Variants in SAMD3 observed in about 807,000 individuals in gnomAD.
The protein encoded by SAMD3 is sterile alpha motif domain containing 3.
SAMD3 carries 63 observed loss-of-function variants against 58.5 expected under a neutral mutation model. The ratio of observed to expected loss-of-function variants is 1.08; its 90% CI spans 0.88 to 1.33. SAMD3 has a LOEUF of 1.33. SAMD3 is among the 40% of genes most tolerant of loss of function. The pLI is 0.00. For missense variants in SAMD3, 604 were observed against 608.4 expected, an observed-to-expected ratio of 0.99 and a Z score of 0.08; for synonymous variants, 220 against 210.3, an observed-to-expected ratio of 1.05 and a Z score of -0.40.
chr6:130,219,442 A>G (rs1041013379), intron 1 of SAMD3, among the ~76,000 whole-genome samples: 2 of 152,156 alleles, frequency 1.3e-5, no homozygotes, highest in Admixed American at 1.3e-4. Flanking sequence ...TCACTGGAGC[A>G]CACATTACTG....
intron 1 of SAMD3, among the ~76,000 whole-genome samples, chr6:130,350,204 G>A (rs1470716682): frequency 6.6e-6 from 1 of 152,158 alleles, no homozygotes; most frequent in East Asian, 1.9e-4. Context: ...TCAACATAGT[G>A]TTAGAAGTTC....
At chr6:130,240,751 G>A (rs1024378048) in intron 2 of SAMD3, among the ~76,000 whole-genome samples, 1 of 152,158 alleles carries the variant, frequency 6.6e-6, no homozygotes, top group Non-Finnish European at 1.5e-5. Context: ...AGGACACAGA[G>A]TCTGCCCCTC....
chr6:130,197,995 C>T (rs576595307), intron 5 of SAMD3, among the ~76,000 whole-genome samples: 21 of 152,256 alleles, frequency 1.4e-4, no homozygotes, highest in Admixed American at 9.2e-4. Context: ...CTGGCTCATC[C>T]TGGCTCAAAA....
intron 1 of SAMD3, among the ~76,000 whole-genome samples, chr6:130,347,472 T>C (rs1777492145): frequency 6.6e-6 from 1 of 151,990 alleles, no homozygotes; most frequent in Non-Finnish European, 1.5e-5. Context: ...GAAGAAAGGG[T>C]GTCAGTGATG....
intron 1 of SAMD3, among the ~76,000 whole-genome samples, chr6:130,316,439 T>G (rs921616931): frequency 6.6e-6 from 1 of 152,066 alleles, no homozygotes; most frequent in Non-Finnish European, 1.5e-5. Flanking sequence ...TATTTGTGCT[T>G]TTCCAGAAGA....
At position 130,154,883 on chromosome 6, in the gene SAMD3, C is replaced by T. The variant is rs537506067; in HGVS notation, c.965G>A (p.Ser322Asn). Reference sequence around the variant, plus strand: ...AAGAATGTCCTTCAGAGGTGTTCGGCTGCCAATCATCTTTCTTCTTATTTC... The same window carrying T: ...AAGAATGTCCTTCAGAGGTGTTCGGTTGCCAATCATCTTTCTTCTTATTTC... ...TLEIRRKMIG[S>N]RTPLKDILKL... The change falls in exon 9 of 12, where the codon AGC becomes AAC. Residue 322 changes from serine (S) to asparagine (N), a missense_variant. Physicochemically the swap from Ser to Asn is conservative, Grantham distance 46. Transcript: ENST00000439090. 6.2e-7 allele frequency: 1 copy of T among 1,613,430 alleles called. No homozygotes were observed. Among genetic ancestry groups the T allele is most frequent in the East Asian group, 2.2e-5 (1 of 44,782 alleles).
In SAMD3 at chr6:130,154,853, A is replaced by G. The variant is rs891279951; in HGVS notation, c.995T>C (p.Leu332Pro). 7.4e-6 allele frequency: 12 copies of G among 1,612,794 alleles called. No individual in the cohort carries two copies. The Admixed American group carries it at 1.2e-4, about 16-fold the overall frequency. Reference sequence around the variant, plus strand: ...ATAAGGGCACTTCAAGAAAGGAAACAGTTTAAGAATGTCCTTCAGAGGTGT... The same window carrying G: ...ATAAGGGCACTTCAAGAAAGGAAACGGTTTAAGAATGTCCTTCAGAGGTGT... ...SRTPLKDILK[L>P]FPFLKCPYQM... is the part of the protein sequence containing the mutation. The change falls in exon 9 of 12, where the codon CTG (leucine) becomes CCG (proline). Residue 332 changes from leucine (L) to proline (P), a missense_variant. Leu to Pro is a moderately conservative substitution (Grantham distance 98, BLOSUM62 -3). Transcript: ENST00000439090.
chr6:130,262,584 GA>G (rs143157089), intron 2 of SAMD3, among the ~76,000 whole-genome samples: 20 of 143,604 alleles, frequency 1.4e-4, no homozygotes, highest in East Asian at 2.0e-4. Context: ...CCAGGTAATT[GA>G]AAAAAAAAAA....
intron 9 of SAMD3, among the ~76,000 whole-genome samples, chr6:130,150,446 C>G (rs1789052894): frequency 6.6e-6 from 1 of 152,160 alleles, no homozygotes; most frequent in Non-Finnish European, 1.5e-5. Flanking sequence ...TAGTGATCCA[C>G]TAGTGGGGAG....
At chr6:130,261,861 C>T (rs1050051222) in intron 2 of SAMD3, among the ~76,000 whole-genome samples, 13 of 152,012 alleles carry the variant, frequency 8.6e-5, no homozygotes, top group African/African-American at 2.4e-4. Context: ...GACCAGTTCC[C>T]ATACATAGAC....
At chr6:130,340,589 A>T (rs886836818) in intron 1 of SAMD3, among the ~76,000 whole-genome samples, 2 of 152,244 alleles carry the variant, frequency 1.3e-5, no homozygotes, top group African/African-American at 2.4e-5. Flanking sequence ...TTGAGGAGCC[A>T]TTGCTCTTAT....
At chr6:130,215,850 T>C in intron 2 of SAMD3, 1 of 1,534,500 alleles carries the variant, frequency 6.5e-7, no homozygotes, top group South Asian at 1.2e-5. Context: ...CTTCTCATTG[T>C]TTTCCGTTAG....
At chr6:130,244,742 AAAAAAT>A (rs150924956) in intron 2 of SAMD3, among the ~76,000 whole-genome samples, 58,892 of 140,666 alleles carry the variant, frequency 0.42, 13,557 homozygotes, top group African/African-American at 0.61. Context: ...TGTCTCAAAA[AAAAAAT>A]AAAAATAAAA....
chr6:130,244,102 G>T (rs1258676786), intron 2 of SAMD3, among the ~76,000 whole-genome samples: 1 of 152,136 alleles, frequency 6.6e-6, no homozygotes, highest in Non-Finnish European at 1.5e-5. Context: ...TATTAAATTT[G>T]TTCCTAGCAA....
chr6:130,147,644 G>A (rs1788756599), intron 9 of SAMD3, among the ~76,000 whole-genome samples: 1 of 152,144 alleles, frequency 6.6e-6, no homozygotes, highest in Non-Finnish European at 1.5e-5. Context: ...ATACCTCATT[G>A]TGTATTTCCT....
intron 1 of SAMD3, among the ~76,000 whole-genome samples, chr6:130,338,266 G>A (rs1777162192): frequency 6.6e-6 from 1 of 152,232 alleles, no homozygotes; most frequent in South Asian, 2.1e-4. Context: ...CAGAAGTCAA[G>A]AAACGAGATT....
At chr6:130,296,990 C>T (rs1188292985) in intron 2 of SAMD3, among the ~76,000 whole-genome samples, 2 of 152,186 alleles carry the variant, frequency 1.3e-5, no homozygotes, top group Non-Finnish European at 2.9e-5. Flanking sequence ...ACCACCCATC[C>T]TTCAGGGCAG....
At chr6:130,145,765 A>G (rs967342382) in intron 10 of SAMD3, among the ~76,000 whole-genome samples, 2 of 152,062 alleles carry the variant, frequency 1.3e-5, no homozygotes, top group Non-Finnish European at 2.9e-5. Context: ...TTTAAAATCT[A>G]TACCTCTCCT....
chr6:130,259,295 G>C (rs1583017722), intron 2 of SAMD3, among the ~76,000 whole-genome samples: 1 of 151,926 alleles, frequency 6.6e-6, no homozygotes, highest in Non-Finnish European at 1.5e-5. Flanking sequence ...CATCTGGTGA[G>C]AGGGCCTGAG....
Sources: gnomAD v4.1 joint callset for allele counts (sites outside exome capture counted in the v4.1 genomes callset) on GRCh38, gnomAD v4.1.1 for gene constraint, MANE v1.5 for transcripts, NCBI Gene and HGNC (gene_info 2026-07-23, HGNC 2026-07-21) for gene names.